PCDH15: variants seen among roughly 807,000 people sequenced by gnomAD.
The protein encoded by PCDH15 is protocadherin-15.
In PCDH15, 129 loss-of-function variants were observed where a neutral mutation model predicts 178.5. That is an observed-to-expected ratio of 0.72 (90% CI 0.63 to 0.84). The LOEUF is 0.84. Ranked by LOEUF, PCDH15 falls within the 40% of genes least tolerant of loss-of-function variation. The pLI is 0.00. For synonymous variants in PCDH15, 800 were observed against 732.0 expected, an observed-to-expected ratio of 1.09 and a Z score of -1.50; for missense variants, 2,230 against 2,099.9, an observed-to-expected ratio of 1.06 and a Z score of -1.21.
chr10:55,144,397 T>A (rs538459789), intron 2 of PCDH15, among the ~76,000 whole-genome samples: 49 of 152,272 alleles, frequency 3.2e-4, no homozygotes, highest in African/African-American at 1.0e-3. Flanking sequence ...TGTACACTAC[T>A]GGCTTTCTTG....
intron 3 of PCDH15, among the ~76,000 whole-genome samples, chr10:54,482,697 G>T (rs1168661316): frequency 6.6e-6 from 1 of 151,806 alleles, no homozygotes; most frequent in Non-Finnish European, 1.5e-5. Flanking sequence ...AGGAGATTTA[G>T]ATCTCCAAAA....
At chr10:54,685,379 A>G (rs1049206227) in intron 1 of PCDH15, among the ~76,000 whole-genome samples, 6 of 152,178 alleles carry the variant, frequency 3.9e-5, no homozygotes, top group African/African-American at 7.2e-5. Flanking sequence ...AGTACTATAT[A>G]CTAAGTGTAT....
chr10:54,965,883 C>G lies in PCDH15; in HGVS notation c.-79-68383G>C, dbSNP rs558707369. On this transcript the variant is annotated intron_variant, in intron 2 of 5. Coordinates refer to the PCDH15 transcript ENST00000458638. ...AATATCACATAGATACCCACACACTCATATATATGCACACATATAATATAT... is the reference window on the plus strand; with the variant it reads ...AATATCACATAGATACCCACACACTGATATATATGCACACATATAATATAT... Among the ~76,000 whole-genome samples the G allele has an allele frequency of 1.7e-3, 262 of 150,806 alleles. 1 individual carries two copies. Among genetic ancestry groups the G allele is most frequent in the African/African-American group, 6.0e-3 (247 of 41,250 alleles).
chr10:54,360,099 G>T (rs1025292585), intron 5 of PCDH15, among the ~76,000 whole-genome samples: 2 of 151,938 alleles, frequency 1.3e-5, no homozygotes, highest in Admixed American at 6.6e-5. Flanking sequence ...AGTTACATTT[G>T]CCCTGTCTGA....
chr10:54,170,784 C>T (rs1027255188), intron 13 of PCDH15, among the ~76,000 whole-genome samples: 1 of 152,020 alleles, frequency 6.6e-6, no homozygotes, highest in African/African-American at 2.4e-5. Flanking sequence ...CCAGCAAAGG[C>T]AGGTTATGCT....
intron 2 of PCDH15, among the ~76,000 whole-genome samples, chr10:55,605,562 T>C (rs892863988): frequency 7.9e-4 from 119 of 150,786 alleles, no homozygotes; most frequent in African/African-American, 2.8e-3. Context: ...TCAAGTGGGC[T>C]TCATCCCTGG....
chr10:54,597,439 A>G (rs2134018744), intron 2 of PCDH15, among the ~76,000 whole-genome samples: 1 of 152,188 alleles, frequency 6.6e-6, no homozygotes, highest in South Asian at 2.1e-4. Context: ...CTGGGACACA[A>G]TTAAGGCAGT....
At chr10:54,663,892 T>G (rs901847819) in intron 2 of PCDH15, among the ~76,000 whole-genome samples, 1 of 151,930 alleles carries the variant, frequency 6.6e-6, no homozygotes, top group Non-Finnish European at 1.5e-5. Context: ...CCACAGAAAT[T>G]AAGCATTTAC....
intron 13 of PCDH15, among the ~76,000 whole-genome samples, chr10:54,156,947 A>G (rs111980773): frequency 0.3 from 45,325 of 152,098 alleles, 7,122 homozygotes; most frequent in African/African-American, 0.38. Flanking sequence ...TTTTGACTTC[A>G]TGTCTCACAT....
intron 25 of PCDH15, chr10:53,905,329 T>C (rs2082600711): frequency 2.2e-6 from 1 of 455,676 alleles, no homozygotes; most frequent in Admixed American, 2.3e-5. Context: ...CATATGTACA[T>C]TTTTTTCTTT....
intron 3 of PCDH15, among the ~76,000 whole-genome samples, chr10:54,501,986 T>A (rs909290153): frequency 1.3e-5 from 2 of 152,020 alleles, no homozygotes; most frequent in African/African-American, 2.4e-5. Context: ...TATAATATGT[T>A]AGCTGTTCTT....
At chr10:54,035,546 T>C (rs1196275456) in intron 18 of PCDH15, among the ~76,000 whole-genome samples, 1 of 151,948 alleles carries the variant, frequency 6.6e-6, no homozygotes, top group East Asian at 1.9e-4. Flanking sequence ...ATACATTTTT[T>C]TGACACATGG....
intron 2 of PCDH15, among the ~76,000 whole-genome samples, chr10:54,579,822 G>C (rs2090869186): frequency 1.3e-5 from 2 of 151,922 alleles, no homozygotes; most frequent in Non-Finnish European, 1.5e-5. Context: ...CCAATACTAA[G>C]AACATCTCCC....
chr10:54,311,787 G>A (rs545569523), intron 8 of PCDH15, among the ~76,000 whole-genome samples: 14 of 152,034 alleles, frequency 9.2e-5, no homozygotes, highest in Admixed American at 4.6e-4. Flanking sequence ...TTAGAAAACC[G>A]TGTAATCTAC....
intron 2 of PCDH15, among the ~76,000 whole-genome samples, chr10:55,102,817 TTA>T (rs896550231): frequency 1.4e-5 from 2 of 146,260 alleles, no homozygotes; most frequent in Non-Finnish European, 3.0e-5. Context: ...TATTTTTGTG[TTA>T]TATATGTTAT....
intron 3 of PCDH15, among the ~76,000 whole-genome samples, chr10:54,498,753 G>C (rs1338045730): frequency 6.6e-6 from 1 of 152,096 alleles, no homozygotes; most frequent in Non-Finnish European, 1.5e-5. Context: ...ATCTGTAATA[G>C]TCTGTTCTTG....
chr10:54,837,238 A>G (rs1025369646), intron 3 of PCDH15, among the ~76,000 whole-genome samples: 1 of 152,112 alleles, frequency 6.6e-6, no homozygotes, highest in African/African-American at 2.4e-5. Context: ...ATGAAATAAT[A>G]CTCTAAATAT....
At chr10:54,431,729 T>C (rs1483985518) in intron 3 of PCDH15, among the ~76,000 whole-genome samples, 3 of 152,084 alleles carry the variant, frequency 2.0e-5, no homozygotes, top group Admixed American at 2.0e-4. Context: ...TACTGTTGTT[T>C]AACACAGTAC....
intron 2 of PCDH15, among the ~76,000 whole-genome samples, chr10:55,057,111 G>A (rs558954665): frequency 7.9e-5 from 12 of 152,012 alleles, no homozygotes; most frequent in Admixed American, 2.0e-4. Context: ...TTATATTGTC[G>A]GCTACCCTGT....
Sources: allele counts gnomAD v4.1 joint callset (sites outside exome capture counted in the v4.1 genomes callset), GRCh38; gene constraint gnomAD v4.1.1; transcripts MANE v1.5; gene names NCBI Gene and HGNC (gene_info 2026-07-23, HGNC 2026-07-21).